The following PRSS54 variants were observed in gnomAD, a reference collection of about 807,000 sequenced individuals.
PRSS54 encodes the protein inactive serine protease 54.
Under a neutral mutation model 19.9 loss-of-function variants are expected in PRSS54, and 16 were observed. That is an observed-to-expected ratio of 0.80 (90% CI 0.54 to 1.22). The LOEUF (loss-of-function observed/expected upper bound fraction) is 1.22, where lower values mean the gene tolerates loss of function less well. Among genes scored for constraint, PRSS54 ranks in the 50% most tolerant of loss-of-function variants. The probability of loss-of-function intolerance (pLI) is 0.00; values close to 1 mark genes in which losing one functional copy is unlikely to be tolerated. For missense variants in PRSS54, 444 were observed against 494.8 expected (o/e 0.90, Z 0.97); for synonymous variants, 177 against 195.8 (o/e 0.90, Z 0.80).
At chr16:58,293,498 A>C in intron 3 of PRSS54, 5 of 974,286 alleles carry the variant, frequency 5.1e-6, no homozygotes, top group South Asian at 4.7e-5. Context: ...TTATTTTCCT[A>C]ACCACACTCC....
chr16:58,281,943 A>T (rs1217780396), intron 6 of PRSS54: 2 of 152,022 alleles, frequency 1.3e-5, no homozygotes, highest in Non-Finnish European at 2.9e-5. Context: ...CTGGGATTCA[A>T]GCAATTCTCC....
At chr16:58,293,866 A>C in intron 2 of PRSS54, 44 bp from the exon 3 acceptor site, 1 of 1,515,624 alleles carries the variant, frequency 6.6e-7, no homozygotes, top group Non-Finnish European at 9.1e-7. Context: ...TCCCAAACAC[A>C]TGCAGGGTTT....
chr16:58,292,180 C>T (rs575921999), intron 3 of PRSS54, among the ~76,000 whole-genome samples: 38 of 152,298 alleles, frequency 2.5e-4, no homozygotes, highest in African/African-American at 7.7e-4. Flanking sequence ...CTGCTTGCCT[C>T]GGCCTCCCAA....
intron 6 of PRSS54, 123 bp from the exon 7 acceptor site, chr16:58,280,880 A>G (rs1964710320): frequency 1.2e-6 from 1 of 846,048 alleles, no homozygotes; most frequent in Non-Finnish European, 1.8e-6. Context: ...GAAATGGGGC[A>G]AATTATAGGA....
rs1310987285 is a variant in PRSS54 at position 58,280,491 on chromosome 16, G to A, written c.921C>T (p.Gly307=). 1.2e-6 allele frequency: 2 copies of A among 1,614,128 alleles called. No homozygotes were observed. Among genetic ancestry groups the A allele is most frequent in the East Asian group, 4.5e-5 (2 of 44,886 alleles). ...TQKTYSDSEL[G]HVGSYLQGQR... ...GTCCCTGCAAGTATGATCCAACATG[G>A]CCCAGTTCAGAATCAGAATATGTCT... The change falls in exon 7 of 7, where the codon GGC becomes GGT. Residue 307 remains glycine, a synonymous_variant. Transcript: ENST00000567164.
In PRSS54 at chr16:58,284,748, G is replaced by T. The variant is rs372948708; in HGVS notation, c.523-27C>A. The stretch of plus-strand genomic sequence containing the variant: ...TGGACCATGCAACAGAGAGCCCAGG[G>T]ATTATTAACGAGAAGGCAGTCCCCT... On this transcript the variant is annotated intron_variant, in intron 5 of 6. Transcript: ENST00000567164. The T allele has an allele frequency of 1.2e-5, 19 of 1,612,548 alleles. No homozygotes were observed. The African/African-American group carries it at 2.5e-4, about 22-fold the overall frequency.
At chr16:58,287,163 C>G (rs952216545) in intron 4 of PRSS54, among the ~76,000 whole-genome samples, 1 of 152,122 alleles carries the variant, frequency 6.6e-6, no homozygotes, top group Non-Finnish European at 1.5e-5. Context: ...AGAACTAAGA[C>G]TTGAATCTAT....
intron 5 of PRSS54, among the ~76,000 whole-genome samples, chr16:58,285,029 G>A (rs142529203): frequency 2.2e-3 from 331 of 152,210 alleles, no homozygotes; most frequent in African/African-American, 7.7e-3. Flanking sequence ...TGGTCAGGCT[G>A]GTCTCGAACT....
intron 3 of PRSS54, among the ~76,000 whole-genome samples, chr16:58,293,236 C>T (rs1449688279): frequency 6.6e-6 from 1 of 152,144 alleles, no homozygotes; most frequent in Non-Finnish European, 1.5e-5. Context: ...TCCACCTGCC[C>T]TCTGTAGGCT....
At chr16:58,291,758 C>T (rs1361223232) in intron 3 of PRSS54, among the ~76,000 whole-genome samples, 1 of 152,082 alleles carries the variant, frequency 6.6e-6, no homozygotes, top group East Asian at 1.9e-4. Context: ...GTTGGGATTA[C>T]AGGCATGAGC....
At chr16:58,290,633 T>C (rs981786490) in intron 4 of PRSS54, among the ~76,000 whole-genome samples, 6 of 152,188 alleles carry the variant, frequency 3.9e-5, no homozygotes, top group Non-Finnish European at 7.3e-5. Context: ...TATTGACTGG[T>C]TGAACAGTTG....
chr16:58,289,581 T>TG (rs1964992677), intron 4 of PRSS54, among the ~76,000 whole-genome samples: 1 of 151,446 alleles, frequency 6.6e-6, no homozygotes, highest in African/African-American at 2.4e-5. Context: ...CATACTTTTT[T>TG]TTTTTTTGGA....
At chr16:58,280,842 T>C in intron 6 of PRSS54, 85 bp from the exon 7 acceptor site, 1 of 1,319,024 alleles carries the variant, frequency 7.6e-7, no homozygotes, top group Non-Finnish European at 1.0e-6. Flanking sequence ...CTGTTTGTTC[T>C]AGAAATGTTT....
Position 58,280,185 on chromosome 16 carries a change from T to C in PRSS54, c.*39A>G. The C allele has an allele frequency of 6.4e-7, 1 of 1,562,320 alleles. No individual in the cohort carries two copies. Among genetic ancestry groups the C allele is most frequent in the Non-Finnish European group, 8.7e-7 (1 of 1,152,858 alleles). Reference sequence around the variant, plus strand: ...ATGGTGAATGCCTGGCACTCAGCATTCTCAGTTTACTCTTCAGTTTGGTGG... The same window carrying C: ...ATGGTGAATGCCTGGCACTCAGCATCCTCAGTTTACTCTTCAGTTTGGTGG... On this transcript the variant is annotated 3_prime_UTR_variant, in exon 7 of 7. Coordinates refer to ENST00000567164, the MANE Select transcript of PRSS54 (RefSeq NM_001305173.2).
At position 58,280,453 on chromosome 16, in the gene PRSS54, A is replaced by G; in HGVS notation, c.959T>C (p.Ile320Thr). The G allele has an allele frequency of 6.2e-7, 1 of 1,614,180 alleles. No individual in the cohort carries two copies. The highest frequency in any genetic ancestry group is 8.5e-7 in the Non-Finnish European group (1 of 1,180,028). The change falls in exon 7 of 7, where the codon ATC (isoleucine) becomes ACC (threonine). Residue 320 changes from isoleucine to threonine, a missense_variant. Ile to Thr is a moderately conservative substitution (Grantham distance 89). Transcript: ENST00000567164. ...GCTGTTTCCTAGTCGTGAATGCGTG[A>G]TGGTCCTTCTTTGTCCCTGCAAGTA... is the stretch of plus-strand genomic sequence containing the variant. ...GSYLQGQRRTITHSRLGNSSR... is the reference protein window; with the variant it reads ...GSYLQGQRRTTTHSRLGNSSR...
intron 4 of PRSS54, among the ~76,000 whole-genome samples, chr16:58,289,509 C>T (rs189490596): frequency 6.6e-6 from 1 of 151,314 alleles, no homozygotes; most frequent in Non-Finnish European, 1.5e-5. Flanking sequence ...GACTGAGGGG[C>T]AGGGGAGGGA....
chr16:58,281,613 G>A (rs772622538), intron 6 of PRSS54: 1 of 152,250 alleles, frequency 6.6e-6, no homozygotes, highest in Non-Finnish European at 1.5e-5. Context: ...TCCGAGAAGG[G>A]GGTGGTCATC....
intron 6 of PRSS54, chr16:58,282,603 C>T (rs1167334600): frequency 6.6e-6 from 1 of 152,300 alleles, no homozygotes; most frequent in Non-Finnish European, 1.5e-5. Context: ...CAAGGCCAGA[C>T]ATGTGAGGAA....
intron 4 of PRSS54, 90 bp from the exon 5 acceptor site, chr16:58,286,285 G>A (rs1023434951): frequency 5.9e-6 from 8 of 1,351,980 alleles, no homozygotes; most frequent in Non-Finnish European, 7.3e-6. Flanking sequence ...TTTCAGCCTG[G>A]AACACTCATC....
Sources: gnomAD v4.1 joint callset for allele counts (sites outside exome capture counted in the v4.1 genomes callset) on GRCh38, gnomAD v4.1.1 for gene constraint, MANE v1.5 for transcripts, NCBI Gene and HGNC (gene_info 2026-07-23, HGNC 2026-07-21) for gene names.